The following SYTL2 variants were observed in gnomAD, a reference collection of about 807,000 sequenced individuals.
The protein encoded by SYTL2 is synaptotagmin like 2.
A neutral mutation model predicts 198.7 loss-of-function variants in SYTL2; 165 were observed. That is an observed-to-expected ratio of 0.83 (90% CI 0.73 to 0.94). The LOEUF (loss-of-function observed/expected upper bound fraction) is 0.94. SYTL2 is among the 40% of genes least tolerant of loss of function. The pLI is 0.00. For missense variants in SYTL2, 2,835 were observed against 2,582.8 expected (o/e 1.10, Z -2.12); for synonymous variants, 966 against 917.7 (o/e 1.05, Z -0.95).
intron 16 of SYTL2, among the ~76,000 whole-genome samples, chr11:85,703,336 C>A (rs1013069056): frequency 6.6e-6 from 1 of 152,098 alleles, no homozygotes; most frequent in African/African-American, 2.4e-5. Flanking sequence ...TACACCTAGG[C>A]TCATTATAGT....
chr11:85,828,193 G>C, the SYTL2 span, among the ~76,000 whole-genome samples: 1 of 152,124 alleles, frequency 6.6e-6, no homozygotes, highest in African/African-American at 2.4e-5. Context: ...GGATGAATGA[G>C]TCACTCCCAG....
At chr11:85,792,737 C>A (rs1046907880) in intron 1 of SYTL2, among the ~76,000 whole-genome samples, 3 of 151,682 alleles carry the variant, frequency 2.0e-5, no homozygotes, top group Non-Finnish European at 2.9e-5. Flanking sequence ...ATTAACTCGT[C>A]ATTTAGCATT....
At chr11:85,743,937 C>G (rs527886585) in intron 4 of SYTL2, among the ~76,000 whole-genome samples, 1 of 152,140 alleles carries the variant, frequency 6.6e-6, no homozygotes, top group East Asian at 1.9e-4. Flanking sequence ...CAGTCCCCAT[C>G]AAAGCCAGCT....
intron 2 of SYTL2, among the ~76,000 whole-genome samples, chr11:85,754,622 G>A (rs555424402): frequency 5.9e-5 from 9 of 151,968 alleles, no homozygotes; most frequent in East Asian, 5.8e-4. Context: ...CAAATCTCTC[G>A]CTATCTCTTG....
At chr11:85,793,113 G>C (rs966355148) in intron 1 of SYTL2, among the ~76,000 whole-genome samples, 12 of 151,914 alleles carry the variant, frequency 7.9e-5, no homozygotes, top group East Asian at 5.8e-4. Flanking sequence ...CTTTATAGCA[G>C]CATGATTTAT....
intron 7 of SYTL2, among the ~76,000 whole-genome samples, chr11:85,733,416 T>TGCTATCC (rs1423328786): frequency 6.6e-6 from 1 of 152,162 alleles, no homozygotes; most frequent in Non-Finnish European, 1.5e-5. Flanking sequence ...CCAGAAACTG[T>TGCTATCC]GCTATCCTGG....
At chr11:85,833,079 GAAAGAAAGAAA>G in the SYTL2 span, among the ~76,000 whole-genome samples, 10 of 49,854 alleles carry the variant, frequency 2.0e-4, no homozygotes, top group African/African-American at 2.7e-4. Flanking sequence ...AAGAAAGAAA[GAAAGAAAGAAA>G]GAAAGAAAGA....
the SYTL2 span, among the ~76,000 whole-genome samples, chr11:85,837,924 C>T: frequency 6.6e-6 from 1 of 152,166 alleles, no homozygotes; most frequent in Non-Finnish European, 1.5e-5. Context: ...GCATCCTGTA[C>T]ACTGCAGGAT....
Position 85,725,282 on chromosome 11 carries a change from A to C in SYTL2, c.4076T>G (p.Val1359Gly), listed in dbSNP as rs1173791609. The C allele has an allele frequency of 1.9e-6, 3 of 1,614,162 alleles. No homozygotes were observed. The highest frequency in any genetic ancestry group is 2.5e-6 in the Non-Finnish European group (3 of 1,180,026). The change falls in exon 8 of 20, where the codon GTC becomes GGC. Residue 1359 changes from valine (V) to glycine (G), a missense_variant. Val to Gly is a moderately radical substitution (Grantham distance 109). Around this residue, in one of 3 missense-constraint regions of SYTL2, gnomAD observed 2,645 missense variants for 2,381.7 expected, o/e 1.11. Coordinates refer to ENST00000359152, the MANE Select transcript of SYTL2 (RefSeq NM_206927.4). Reference protein sequence around the residue: ...QTEISETVEKVILPPRPVLND... With the variant: ...QTEISETVEKGILPPRPVLND... ...CAATACAGGTCTGGGTGGAAGAATG[A>C]CTTTCTCTACAGTCTCCGAAATTTC... is the stretch of plus-strand genomic sequence containing the variant.
chr11:85,837,358 G>A, the SYTL2 span, among the ~76,000 whole-genome samples: 1 of 152,252 alleles, frequency 6.6e-6, no homozygotes, highest in South Asian at 2.1e-4. Context: ...CTTTCTCCAC[G>A]TGAACAGAAG....
intron 1 of SYTL2, among the ~76,000 whole-genome samples, chr11:85,798,882 C>G (rs1031065266): frequency 1.3e-5 from 2 of 152,176 alleles, no homozygotes; most frequent in African/African-American, 4.8e-5. Context: ...CGGCATAAAC[C>G]ATATTGCTTG....
intron 1 of SYTL2, among the ~76,000 whole-genome samples, chr11:85,761,728 G>T (rs749200988): frequency 6.6e-6 from 1 of 152,112 alleles, no homozygotes; most frequent in African/African-American, 2.4e-5. Flanking sequence ...ACACAATCTC[G>T]GCTCACTGCA....
At chr11:85,835,840 T>C in the SYTL2 span, among the ~76,000 whole-genome samples, 29 of 152,272 alleles carry the variant, frequency 1.9e-4, no homozygotes, top group East Asian at 1.9e-4. Flanking sequence ...ATATGTCTAG[T>C]TGCTATTTGG....
rs680498 is a variant in SYTL2 at position 85,736,568 on chromosome 11, T to C, written c.519A>G (p.Ser173=). 0.66 allele frequency: 1,056,612 copies of C among 1,602,584 alleles called. 351,440 individuals are homozygous for C. The highest frequency in any genetic ancestry group is 0.8 in the African/African-American group (59,374 of 74,542). Residue 173 remains serine, a synonymous_variant, in exon 6 of 20, where the codon TCA becomes TCG. Coordinates refer to ENST00000359152, the MANE Select transcript of SYTL2 (RefSeq NM_206927.4). The part of the protein sequence containing the change: ...FNSSKLPEGH[S]SQQTKNEQSK... ...ACTGTTCATTTTTAGTTTGTTGTGATGAGTGACCTTCTGGCAACTTGGAGC... is the reference window on the plus strand; with the variant it reads ...ACTGTTCATTTTTAGTTTGTTGTGACGAGTGACCTTCTGGCAACTTGGAGC...
chr11:85,808,639 C>T (rs2153662972), intron 1 of SYTL2, among the ~76,000 whole-genome samples: 1 of 152,114 alleles, frequency 6.6e-6, no homozygotes, highest in South Asian at 2.1e-4. Flanking sequence ...TAACAATCTG[C>T]CAGGACACCA....
intron 8 of SYTL2, among the ~76,000 whole-genome samples, chr11:85,721,487 T>G (rs550673854): frequency 3.9e-5 from 6 of 152,086 alleles, no homozygotes; most frequent in African/African-American, 1.4e-4. Context: ...GGAAATAACA[T>G]GGGATAGTCA....
rs984245650 is a variant in SYTL2 at position 85,705,114 on chromosome 11, T to C, written c.6019-86A>G. On this transcript the variant is annotated intron_variant, in intron 15 of 19. Coordinates refer to ENST00000359152, the MANE Select transcript of SYTL2 (RefSeq NM_206927.4). ...ACAGAGATGAAGAGAAATTCATCTGTATATAGCAAATTTTCTTATCTGTTA... is the reference window on the plus strand; with the variant it reads ...ACAGAGATGAAGAGAAATTCATCTGCATATAGCAAATTTTCTTATCTGTTA... The C allele has an allele frequency of 6.9e-6, 7 of 1,015,612 alleles. No individual in the cohort carries two copies. The East Asian group carries it at 1.8e-4, about 26-fold the overall frequency. The allele number at this position is 1,015,612 out of a possible 1,614,324, so 62.9% of individuals were successfully genotyped here. A position where few individuals can be genotyped will look rare whatever the true frequency, so the allele number is the denominator to read the frequency against.
chr11:85,821,381 A>G, the SYTL2 span, among the ~76,000 whole-genome samples: 1 of 152,210 alleles, frequency 6.6e-6, no homozygotes, highest in Non-Finnish European at 1.5e-5. Context: ...GTGAGACTTG[A>G]GCCACGTTAA....
intron 9 of SYTL2, chr11:85,719,303 G>A: frequency 8.6e-7 from 1 of 1,158,952 alleles, no homozygotes; most frequent in Non-Finnish European, 1.1e-6. Flanking sequence ...GATGTAACTG[G>A]GGACCAGCTG....
Sources: gnomAD v4.1 joint callset for allele counts (sites outside exome capture counted in the v4.1 genomes callset) on GRCh38, gnomAD v4.1.1 for gene constraint, gnomAD v4.1.1 regional missense constraint, MANE v1.5 for transcripts, NCBI Gene and HGNC (gene_info 2026-07-23, HGNC 2026-07-21) for gene names.